The following STAG1 variants were observed in gnomAD, a reference collection of about 807,000 sequenced individuals.
STAG1 encodes the protein cohesin subunit SA-1.
Under a neutral mutation model 170.9 loss-of-function variants are expected in STAG1, and 26 were observed. The observed-to-expected ratio is 0.15, with a 90% CI of 0.11 to 0.21. The LOEUF (loss-of-function observed/expected upper bound fraction) is 0.21, where lower values mean the gene tolerates loss of function less well. Among genes scored for constraint, STAG1 ranks in the 10% least tolerant of loss-of-function variants. The probability of loss-of-function intolerance (pLI) is 1.00; values close to 1 mark genes in which losing one functional copy is unlikely to be tolerated. For missense variants in STAG1, 964 were observed against 1,509.5 expected, an observed-to-expected ratio of 0.64 and a Z score of 5.99; for synonymous variants, 514 against 497.7, an observed-to-expected ratio of 1.03 and a Z score of -0.44.
At chr3:136,565,025 GGC>G (rs1937008237) in intron 5 of STAG1, among the ~76,000 whole-genome samples, 1 of 104,366 alleles carries the variant, frequency 9.6e-6, no homozygotes, top group Non-Finnish European at 1.9e-5. Flanking sequence ...CAGGCAGGCA[GGC>G]AGGCAGGCAG....
intron 5 of STAG1, among the ~76,000 whole-genome samples, chr3:136,559,161 C>A (rs894700773): frequency 7.3e-5 from 11 of 151,244 alleles, no homozygotes; most frequent in Non-Finnish European, 1.3e-4. Flanking sequence ...ATCTATCTAT[C>A]TATATACGTA....
chr3:136,464,625 C>T (rs1414586081), intron 13 of STAG1, among the ~76,000 whole-genome samples: 1 of 152,078 alleles, frequency 6.6e-6, no homozygotes, highest in Non-Finnish European at 1.5e-5. Flanking sequence ...TCATGCATTC[C>T]TCCAATCTCC....
chr3:136,479,113 C>A (rs1281006256), intron 9 of STAG1, among the ~76,000 whole-genome samples: 8 of 138,004 alleles, frequency 5.8e-5, no homozygotes. Context: ...TTTTAGGGTA[C>A]ATGTGCACAT....
chr3:136,665,714 A>T (rs1326634938), intron 1 of STAG1, among the ~76,000 whole-genome samples: 1 of 149,806 alleles, frequency 6.7e-6, no homozygotes, highest in East Asian at 2.0e-4. Flanking sequence ...CAGGAGGCAG[A>T]GCTTGCAGTG....
chr3:136,712,900 G>C (rs1416034985), intron 1 of STAG1, among the ~76,000 whole-genome samples: 1 of 151,904 alleles, frequency 6.6e-6, no homozygotes, highest in Non-Finnish European at 1.5e-5. Context: ...AGACCAGCCT[G>C]GCCAACATGG....
chr3:136,569,603 A>C (rs1937198453), intron 4 of STAG1, among the ~76,000 whole-genome samples: 1 of 152,116 alleles, frequency 6.6e-6, no homozygotes, highest in Admixed American at 6.5e-5. Flanking sequence ...AGCAAAATTT[A>C]GTAAAGACAA....
chr3:136,656,057 CACAA>C (rs1328516537), intron 1 of STAG1, among the ~76,000 whole-genome samples: 1 of 151,754 alleles, frequency 6.6e-6, no homozygotes, highest in African/African-American at 2.4e-5. Context: ...ATGTGGTATA[CACAA>C]ACAATGGAGT....
chr3:136,569,302 T>C (rs1206949809), intron 4 of STAG1, among the ~76,000 whole-genome samples: 1 of 151,476 alleles, frequency 6.6e-6, no homozygotes, highest in Non-Finnish European at 1.5e-5. Flanking sequence ...TGGCTTAATA[T>C]TAAGAAATCA....
chr3:136,704,920 A>G (rs937944561), intron 1 of STAG1, among the ~76,000 whole-genome samples: 1 of 152,024 alleles, frequency 6.6e-6, no homozygotes, highest in Non-Finnish European at 1.5e-5. Context: ...AAAACAATGG[A>G]GCCCCGAAAT....
intron 5 of STAG1, among the ~76,000 whole-genome samples, chr3:136,566,685 A>G (rs1336266222): frequency 6.6e-6 from 1 of 152,230 alleles, no homozygotes; most frequent in African/African-American, 2.4e-5. Context: ...GAGAGTATAG[A>G]AGAGTACAAT....
intron 1 of STAG1, among the ~76,000 whole-genome samples, chr3:136,746,783 G>A (rs1052496034): frequency 2.0e-4 from 30 of 151,534 alleles, no homozygotes; most frequent in African/African-American, 6.3e-4. Flanking sequence ...CTGAAACCCC[G>A]TCTCTACTAA....
intron 2 of STAG1, among the ~76,000 whole-genome samples, chr3:136,625,791 C>T (rs1336857698): frequency 6.6e-6 from 1 of 152,204 alleles, no homozygotes; most frequent in Non-Finnish European, 1.5e-5. Context: ...TTCTACACAC[C>T]GCTGCCAGTA....
intron 9 of STAG1, among the ~76,000 whole-genome samples, chr3:136,498,253 C>T (rs1457449659): frequency 0.01 from 714 of 69,368 alleles, no homozygotes; most frequent in East Asian, 0.045. Context: ...TATACATACA[C>T]ACACACACAC....
intron 28 of STAG1, 101 bp from the exon 29 acceptor site, chr3:136,349,464 T>C (rs1936353254): frequency 2.4e-6 from 2 of 825,176 alleles, no homozygotes; most frequent in African/African-American, 1.7e-5. Context: ...TTCTGAAGAA[T>C]ACCTAAGGAC....
chr3:136,437,648 C>G (rs2107753207), intron 15 of STAG1, among the ~76,000 whole-genome samples: 1 of 152,318 alleles, frequency 6.6e-6, no homozygotes, highest in Middle Eastern at 3.4e-3. Context: ...TAAATCATCA[C>G]AAAATGATTT....
chr3:136,644,889 T>C (rs1320147244), intron 1 of STAG1, among the ~76,000 whole-genome samples: 2 of 151,964 alleles, frequency 1.3e-5, no homozygotes, highest in African/African-American at 4.8e-5. Flanking sequence ...CCCAGCTAAT[T>C]TTTTGTATTT....
rs34993713 is a variant in STAG1 at position 136,608,797 on chromosome 3, CAAAAAAAAAA to C, written c.133-4334_133-4325del. ...CCTGAATGACAGCGAGACCCTATCTCAAAAAAAAAAAAAAAAAAAAAAGAACTAGACACTA... is the reference window on the plus strand; with the variant it reads ...CCTGAATGACAGCGAGACCCTATCTCAAAAAAAAAAAAGAACTAGACACTA... On this transcript the variant is annotated intron_variant, in intron 3 of 33. Transcript: ENST00000383202. 4.4e-3 allele frequency among the ~76,000 whole-genome samples: 349 copies of C among 79,204 alleles called. 1 individual carries two copies. Among genetic ancestry groups the C allele is most frequent in the Non-Finnish European group, 5.8e-3 (244 of 42,140 alleles). 52.0% of individuals were successfully genotyped at this position (79,204 alleles called of 152,430 possible). A position where few individuals can be genotyped will look rare whatever the true frequency, so the allele number is the denominator to read the frequency against.
intron 2 of STAG1, among the ~76,000 whole-genome samples, chr3:136,625,738 T>C (rs1029069940): frequency 1.3e-5 from 2 of 152,188 alleles, no homozygotes; most frequent in Non-Finnish European, 2.9e-5. Context: ...CCACTCCCCA[T>C]GATAATCTCA....
intron 23 of STAG1, among the ~76,000 whole-genome samples, 178 bp downstream of exon 23, chr3:136,377,482 A>G (rs1393096430): frequency 2.0e-5 from 3 of 151,248 alleles, no homozygotes; most frequent in East Asian, 1.9e-4. Flanking sequence ...ATATTATATA[A>G]TAAGTTTGTT....
Sources: allele counts gnomAD v4.1 joint callset (sites outside exome capture counted in the v4.1 genomes callset), GRCh38; gene constraint gnomAD v4.1.1; transcripts MANE v1.5; gene names NCBI Gene and HGNC (gene_info 2026-07-23, HGNC 2026-07-21).